Variants in MEGF10 observed in about 807,000 individuals in gnomAD.
MEGF10 encodes the protein multiple epidermal growth factor-like domains protein 10.
MEGF10 carries 86 observed loss-of-function variants against 147.5 expected under a neutral mutation model. The ratio of observed to expected loss-of-function variants is 0.58; its 90% confidence interval spans 0.49 to 0.70. The LOEUF (loss-of-function observed/expected upper bound fraction) is 0.70. Among genes scored for constraint, MEGF10 ranks in the 30% least tolerant of loss-of-function variants. The pLI is 0.00. For synonymous variants in MEGF10, 478 were observed against 525.5 expected (o/e 0.91, Z 1.24); for missense variants, 1,329 against 1,487.3 (o/e 0.89, Z 1.75).
intron 20 of MEGF10, 110 bp downstream of exon 20, chr5:127,445,803 A>G: frequency 1.3e-6 from 1 of 777,800 alleles, no homozygotes; most frequent in Non-Finnish European, 2.2e-6. Flanking sequence ...GTCAATTCTC[A>G]TTGAGAGAAT....
chr5:127,424,418 G>T (rs1765140750), intron 13 of MEGF10: 1 of 965,154 alleles, frequency 1.0e-6, no homozygotes, highest in Admixed American at 2.0e-5. Flanking sequence ...AAGAAGCAAG[G>T]TGGAAATTTA....
chr5:127,388,492 C>G (rs536824325), intron 5 of MEGF10, among the ~76,000 whole-genome samples: 6 of 151,472 alleles, frequency 4.0e-5, no homozygotes, highest in Non-Finnish European at 7.4e-5. Flanking sequence ...TCAAATCTGG[C>G]TAGCTCCTTA....
intron 15 of MEGF10, 39 bp downstream of exon 15, chr5:127,434,860 A>G (rs1004910645): frequency 1.3e-6 from 2 of 1,596,002 alleles, no homozygotes; most frequent in Admixed American, 3.4e-5. Context: ...GGTGGTGATG[A>G]GCACGCCCCG....
chr5:127,363,147 A>G (rs1374536319), intron 4 of MEGF10, among the ~76,000 whole-genome samples: 1 of 152,152 alleles, frequency 6.6e-6, no homozygotes, highest in African/African-American at 2.4e-5. Context: ...GAGTTCTTGT[A>G]TCTCCTCCTT....
At chr5:127,395,688 G>T (rs965308815) in intron 5 of MEGF10, among the ~76,000 whole-genome samples, 3 of 151,796 alleles carry the variant, frequency 2.0e-5, no homozygotes, top group African/African-American at 7.3e-5. Flanking sequence ...GGGACTACAG[G>T]CGCCCGCCAC....
At position 127,440,836 on chromosome 5, in the gene MEGF10, C is replaced by T; in HGVS notation, c.2331C>T (p.Arg777=). 1 of 1,614,086 alleles carries T rather than the reference C, an allele frequency of 6.2e-7. No individual in the cohort carries two copies. Among genetic ancestry groups the T allele is most frequent in the African/African-American group, 1.3e-5 (1 of 75,036 alleles). ...ACATTTCTGGGCAGTGTACTTGCCGCACTGGATTCATGGGACGGCACTGTG... is the reference window on the plus strand; with the variant it reads ...ACATTTCTGGGCAGTGTACTTGCCGTACTGGATTCATGGGACGGCACTGTG... ...CDHISGQCTC[R]TGFMGRHCEQ... The change falls in exon 18 of 25, where the codon CGC becomes CGT. Residue 777 remains arginine (R), a synonymous_variant. Transcript: ENST00000503335.
At chr5:127,366,157 G>C (rs1217670677) in intron 4 of MEGF10, among the ~76,000 whole-genome samples, 2 of 152,120 alleles carry the variant, frequency 1.3e-5, no homozygotes, top group Non-Finnish European at 2.9e-5. Context: ...TAATCTCTTG[G>C]TGGTGGTGTG....
rs1456249235 is a variant in MEGF10 at position 127,449,110 on chromosome 5, T to C, written c.2868T>C (p.Asn956=). ...TATATTTTTAACAGTCAAAAAACAA[T>C]CAACTGTTTGTGAATCTTAAAAATG... ...DRMTVTKSKN[N]QLFVNLKNVN... Residue 956 remains asparagine (N), a synonymous_variant, in exon 22 of 25, where the codon AAT becomes AAC. Transcript: ENST00000503335. 1 of 1,614,000 alleles carries C rather than the reference T, an allele frequency of 6.2e-7. No homozygotes were observed. The highest frequency in any genetic ancestry group is 8.5e-7 in the Non-Finnish European group (1 of 1,180,006).
At chr5:127,420,253 G>A in intron 12 of MEGF10, 46 bp downstream of exon 12, 2 of 1,585,996 alleles carry the variant, frequency 1.3e-6, no homozygotes, top group Non-Finnish European at 1.7e-6. Flanking sequence ...ATGAGGAACT[G>A]ATGTTGTAAA....
chr5:127,378,116 C>T (rs771327494), intron 5 of MEGF10, among the ~76,000 whole-genome samples: 3 of 152,166 alleles, frequency 2.0e-5, no homozygotes, highest in Non-Finnish European at 4.4e-5. Flanking sequence ...ACTACTACCA[C>T]CACCCTCTGT....
At chr5:127,425,570 A>C (rs1561640025) in intron 13 of MEGF10, among the ~76,000 whole-genome samples, 1 of 152,152 alleles carries the variant, frequency 6.6e-6, no homozygotes, top group Non-Finnish European at 1.5e-5. Context: ...AGGAAAAGAA[A>C]ATTACTGAAG....
the MEGF10 span, among the ~76,000 whole-genome samples, chr5:127,266,156 A>C: frequency 1.3e-5 from 2 of 152,054 alleles, no homozygotes; most frequent in Admixed American, 1.3e-4. Context: ...CAGTTTCTCC[A>C]GCACCATTTA....
chr5:127,447,798 A>C, intron 21 of MEGF10, 114 bp downstream of exon 21: 1 of 1,295,476 alleles, frequency 7.7e-7, no homozygotes, highest in Non-Finnish European at 1.1e-6. Context: ...TACATATATT[A>C]TCTAATTTAT....
intron 1 of MEGF10, among the ~76,000 whole-genome samples, chr5:127,295,056 G>T (rs192511459): frequency 2.6e-5 from 4 of 152,156 alleles, no homozygotes; most frequent in Non-Finnish European, 5.9e-5. Flanking sequence ...TTTGCTCTGT[G>T]CTTTTCCATT....
rs541339121 is a variant in MEGF10 at position 127,300,811 on chromosome 5, G to A, written c.-19+9755G>A. Reference sequence around the variant, plus strand: ...CTGTGTGTCAGAATGCAATGCATTAGCACCATCATAGGTGATTGCTTTACT... The same window carrying A: ...CTGTGTGTCAGAATGCAATGCATTAACACCATCATAGGTGATTGCTTTACT... On this transcript the variant is annotated intron_variant, in intron 1 of 24. Coordinates refer to ENST00000503335, the MANE Select transcript of MEGF10 (RefSeq NM_001256545.2). 6.4e-4 allele frequency among the ~76,000 whole-genome samples: 97 copies of A among 152,278 alleles called. 1 individual carries two copies. The South Asian group carries it at 0.013, about 21-fold the overall frequency.
chr5:127,326,963 C>T (rs891912734), intron 1 of MEGF10, among the ~76,000 whole-genome samples: 1 of 152,192 alleles, frequency 6.6e-6, no homozygotes, highest in Admixed American at 6.5e-5. Context: ...AGTAAGTCAA[C>T]ACCCCATTAT....
rs1163742770 is a variant in MEGF10, at chr5:127,412,526, C to T, written c.1130+1925C>T. On this transcript the variant is annotated intron_variant, in intron 9 of 24. Transcript: ENST00000503335. ...TACATAATTTATGATATACTAAAGC[C>T]TTCCATTATAATTAATGAGATAACA... is the stretch of plus-strand genomic sequence containing the variant. Among the ~76,000 whole-genome samples, 3 of 152,222 alleles carry T rather than the reference C, an allele frequency of 2.0e-5. No individual in the cohort carries two copies. The East Asian group carries it at 5.8e-4, about 29-fold the overall frequency.
intron 1 of MEGF10, among the ~76,000 whole-genome samples, chr5:127,315,075 G>T (rs76066633): frequency 0.018 from 2,752 of 152,256 alleles, 74 homozygotes; most frequent in East Asian, 0.11. Flanking sequence ...GACATTTGAT[G>T]AGGACAAGAA....
At chr5:127,268,949 G>A in the MEGF10 span, among the ~76,000 whole-genome samples, 1 of 152,194 alleles carries the variant, frequency 6.6e-6, no homozygotes, top group Middle Eastern at 3.2e-3. Flanking sequence ...CTGTTCTGCA[G>A]CCTCCGCTGC....
Sources: allele counts gnomAD v4.1 joint callset (sites outside exome capture counted in the v4.1 genomes callset), GRCh38; gene constraint gnomAD v4.1.1; transcripts MANE v1.5; gene names NCBI Gene and HGNC (gene_info 2026-07-23, HGNC 2026-07-21).